AGPAT5: variants seen among roughly 807,000 people sequenced by gnomAD.
AGPAT5 encodes 1-acyl-sn-glycerol-3-phosphate acyltransferase epsilon.
A neutral mutation model predicts 45.6 loss-of-function variants in AGPAT5; 46 were observed. That is an observed-to-expected ratio of 1.01 (90% confidence interval 0.80 to 1.29). The LOEUF is 1.29. Ranked by LOEUF, AGPAT5 falls within the 50% of genes most tolerant of loss-of-function variation. AGPAT5 has a pLI of 0.00. For missense variants in AGPAT5, 673 were observed against 450.7 expected, an observed-to-expected ratio of 1.49 and a Z score of -4.47; for synonymous variants, 272 against 167.0, an observed-to-expected ratio of 1.63 and a Z score of -4.85.
intron 7 of AGPAT5, 142 bp from the exon 8 acceptor site, chr8:6,757,021 A>G (rs10099887): frequency 0.17 from 109,100 of 632,770 alleles, 10,093 homozygotes; most frequent in Admixed American, 0.26. Flanking sequence ...TATTAAACCA[A>G]GTTTCTGGAT....
chr8:6,714,095 C>T (rs945350147), intron 1 of AGPAT5, among the ~76,000 whole-genome samples: 1 of 152,208 alleles, frequency 6.6e-6, no homozygotes, highest in African/African-American at 2.4e-5. Flanking sequence ...CTTCTACATT[C>T]TTTCTGCACT....
At chr8:6,737,960 G>A (rs774157798) in intron 4 of AGPAT5, among the ~76,000 whole-genome samples, 3 of 152,176 alleles carry the variant, frequency 2.0e-5, no homozygotes, top group Non-Finnish European at 4.4e-5. Context: ...TTAGGGCCTT[G>A]CTCTGGATTA....
At chr8:6,747,437 G>T (rs1436528718) in intron 5 of AGPAT5, among the ~76,000 whole-genome samples, 1 of 152,146 alleles carries the variant, frequency 6.6e-6, no homozygotes, top group Non-Finnish European at 1.5e-5. Flanking sequence ...CTTCCAACAC[G>T]GTGACTTGTA....
chr8:6,736,198 G>A (rs984942547), intron 4 of AGPAT5, among the ~76,000 whole-genome samples: 10 of 151,932 alleles, frequency 6.6e-5, no homozygotes, highest in African/African-American at 2.4e-4. Flanking sequence ...TACATAACAT[G>A]GTATATATTT....
chr8:6,723,555 G>A (rs1452682295), intron 1 of AGPAT5, among the ~76,000 whole-genome samples: 1 of 152,172 alleles, frequency 6.6e-6, no homozygotes, highest in African/African-American at 2.4e-5. Flanking sequence ...ATACTCAATG[G>A]TCTTGATGCA....
At chr8:6,711,047 A>G (rs1377817021) in intron 1 of AGPAT5, among the ~76,000 whole-genome samples, 2 of 152,234 alleles carry the variant, frequency 1.3e-5, no homozygotes, top group African/African-American at 4.8e-5. Flanking sequence ...TTTTAAATAA[A>G]AGGTTTATTA....
Position 6,745,618 on chromosome 8 carries a change from C to CAA in AGPAT5, c.587-2052_587-2051insAA, listed in dbSNP as rs1801417961. On this transcript the variant is annotated intron_variant, in intron 5 of 7. Transcript: ENST00000285518. ...TTGTTGAAGATAAATATCACCTCCT[C>CAA]TTCCTTTAAACATCTCTTCCCTTTG... The CAA allele has an allele frequency of 9.2e-5, 14 of 152,264 alleles. No individual in the cohort carries two copies. In the South Asian group the frequency reaches 2.9e-3, roughly 32 times the overall value. 9.4% of individuals were successfully genotyped at this position (152,264 alleles called of 1,614,324 possible). A position where few individuals can be genotyped will look rare whatever the true frequency, so the allele number is the denominator to read the frequency against.
intron 4 of AGPAT5, among the ~76,000 whole-genome samples, chr8:6,739,228 C>G (rs558028979): frequency 6.6e-6 from 1 of 152,030 alleles, no homozygotes; most frequent in Non-Finnish European, 1.5e-5. Flanking sequence ...GTGTAGTTGT[C>G]TTCTAAATTT....
chr8:6,731,035 A>G (rs1186982883), intron 3 of AGPAT5, among the ~76,000 whole-genome samples: 1 of 151,758 alleles, frequency 6.6e-6, no homozygotes, highest in African/African-American at 2.4e-5. Context: ...TGCCCGGCTA[A>G]ATTTTCTATT....
At chr8:6,732,705 G>T in intron 4 of AGPAT5, 55 bp downstream of exon 4, 1 of 1,351,920 alleles carries the variant, frequency 7.4e-7, no homozygotes, top group Non-Finnish European at 1.0e-6. Context: ...CTAAATTTAA[G>T]AATTAAATTA....
At chr8:6,717,286 C>T (rs538163942) in intron 1 of AGPAT5, among the ~76,000 whole-genome samples, 1 of 152,236 alleles carries the variant, frequency 6.6e-6, no homozygotes, top group African/African-American at 2.4e-5. Flanking sequence ...TTTTAGAGTA[C>T]TTATTTGTGT....
intron 4 of AGPAT5, among the ~76,000 whole-genome samples, chr8:6,738,822 T>G (rs1033773151): frequency 1.3e-5 from 2 of 151,972 alleles, no homozygotes; most frequent in South Asian, 4.1e-4. Flanking sequence ...AACATACTTT[T>G]AAGCTTAATT....
chr8:6,753,770 A>G (rs968739376), intron 6 of AGPAT5, among the ~76,000 whole-genome samples: 1 of 152,242 alleles, frequency 6.6e-6, no homozygotes, highest in Non-Finnish European at 1.5e-5. Context: ...AAAATAATGA[A>G]AAATTAAAAT....
chr8:6,730,121 T>C (rs75791652), intron 2 of AGPAT5, among the ~76,000 whole-genome samples: 170 of 152,198 alleles, frequency 1.1e-3, no homozygotes, highest in African/African-American at 3.9e-3. Context: ...TTCTAGACTT[T>C]AGGATTTAGA....
At chr8:6,729,988 G>C (rs1266850901) in intron 2 of AGPAT5, among the ~76,000 whole-genome samples, 1 of 152,124 alleles carries the variant, frequency 6.6e-6, no homozygotes, top group Non-Finnish European at 1.5e-5. Context: ...ATTAGTAGAA[G>C]ATGAAGTGTC....
intron 5 of AGPAT5, among the ~76,000 whole-genome samples, chr8:6,746,637 G>A (rs867663422): frequency 4.6e-5 from 7 of 152,144 alleles, no homozygotes; most frequent in Non-Finnish European, 5.9e-5. Flanking sequence ...CTGCCCTGGG[G>A]ACTAAAGTCA....
At chr8:6,727,423 C>G (rs564081817) in intron 2 of AGPAT5, among the ~76,000 whole-genome samples, 1 of 152,078 alleles carries the variant, frequency 6.6e-6, no homozygotes, top group Admixed American at 6.5e-5. Context: ...ACTCTTGTTG[C>G]CCAGGCTGGG....
intron 1 of AGPAT5, among the ~76,000 whole-genome samples, chr8:6,719,217 C>A (rs900899641): frequency 1.3e-5 from 2 of 152,158 alleles, no homozygotes; most frequent in African/African-American, 4.8e-5. Context: ...CCACTTCCAA[C>A]TAGAAAGAAT....
chr8:6,726,054 T>C (rs1800676376), intron 2 of AGPAT5, among the ~76,000 whole-genome samples: 1 of 152,256 alleles, frequency 6.6e-6, no homozygotes, highest in African/African-American at 2.4e-5. Flanking sequence ...GGAATCTTGA[T>C]GTATCTGAGT....
Sources: allele counts gnomAD v4.1 joint callset (sites outside exome capture counted in the v4.1 genomes callset), GRCh38; gene constraint gnomAD v4.1.1; transcripts MANE v1.5; gene names NCBI Gene and HGNC (gene_info 2026-07-23, HGNC 2026-07-21).